The following SLC9A3 variants were observed in gnomAD, a reference collection of about 807,000 sequenced individuals.
The protein encoded by SLC9A3 is sodium/hydrogen exchanger 3.
A neutral mutation model predicts 86.8 loss-of-function variants in SLC9A3; 37 were observed. The ratio of observed to expected loss-of-function variants is 0.43; its 90% CI spans 0.33 to 0.56. The LOEUF (loss-of-function observed/expected upper bound fraction) is 0.56. SLC9A3 is among the 20% of genes least tolerant of loss of function. The pLI is 0.06. For missense variants in SLC9A3, 1,011 were observed against 1,171.9 expected, an observed-to-expected ratio of 0.86 and a Z score of 2.00; for synonymous variants, 581 against 528.3, an observed-to-expected ratio of 1.10 and a Z score of -1.37.
chr5:476,012 C>A lies in SLC9A3; in HGVS notation c.2140+8G>T, dbSNP rs1738703529. The A allele has an allele frequency of 6.2e-7, 1 of 1,606,592 alleles. No homozygotes were observed. The highest frequency in any genetic ancestry group is 8.5e-7 in the Non-Finnish European group (1 of 1,176,340). ...AGTCCCAGCGTTCCTGCAGGGCCCC[C>A]AGCGCACCTTTCTCCTTGATGGTGA... On this transcript the variant is annotated splice_region_variant and intron_variant, in intron 14 of 16. Transcript: ENST00000264938.
chr5:479,086 C>T (rs1738976108), intron 10 of SLC9A3: 1 of 152,628 alleles, frequency 6.6e-6, no homozygotes, highest in South Asian at 2.1e-4. Context: ...GCGAGAGCAC[C>T]CACCCTGACC....
rs117265102 is a variant in SLC9A3 at position 510,357 on chromosome 5, G to A, written c.211+13755C>T. 4.1e-3 allele frequency among the ~76,000 whole-genome samples: 627 copies of A among 152,326 alleles called. 3 individuals carry two copies. Among genetic ancestry groups the A allele is most frequent in the East Asian group, 0.014 (72 of 5,176 alleles). On this transcript the variant is annotated intron_variant, in intron 1 of 16. Coordinates refer to ENST00000264938, the MANE Select transcript of SLC9A3 (RefSeq NM_004174.4). The stretch of plus-strand genomic sequence containing the variant: ...CCCGTGGGACACACCCTCGAGAGCC[G>A]CCGGCAGCACGCTTGGTCCCGGCCT...
chr5:491,920 G>T lies in SLC9A3; in HGVS notation c.363C>A (p.Pro121=). The part of the protein sequence containing the change: ...TPTVFFFYLL[P]PIVLDAGYFM... Reference sequence around the variant, plus strand: ...AGTAGCCGGCGTCCAGCACGATGGGGGGCAGCAGGTAGAAGAAGAAGACGG... The same window carrying T: ...AGTAGCCGGCGTCCAGCACGATGGGTGGCAGCAGGTAGAAGAAGAAGACGG... Residue 121 remains proline, a synonymous_variant, in exon 2 of 17, where the codon CCC becomes CCA. Coordinates refer to ENST00000264938, the MANE Select transcript of SLC9A3 (RefSeq NM_004174.4). The surrounding 1 kb of genome is among the most constrained non-coding windows in gnomAD (Gnocchi z 9.2). The T allele has an allele frequency of 6.2e-7, 1 of 1,611,848 alleles. No individual in the cohort carries two copies.
At chr5:512,693 A>C (rs1285942558) in intron 1 of SLC9A3, among the ~76,000 whole-genome samples, 1 of 152,162 alleles carries the variant, frequency 6.6e-6, no homozygotes, top group Non-Finnish European at 1.5e-5. Context: ...TTTTCTAAGA[A>C]AGGGTGTCCC....
intron 6 of SLC9A3, among the ~76,000 whole-genome samples, 199 bp downstream of exon 6, chr5:483,063 T>C (rs560990477): frequency 7.9e-5 from 12 of 151,734 alleles, no homozygotes; most frequent in Non-Finnish European, 1.2e-4. Flanking sequence ...TCCAGTGGAG[T>C]CAGTGGGAAA....
rs765651900 is a variant in SLC9A3 at position 476,001 on chromosome 5, T to G, written c.2140+19A>C. 6.3e-7 allele frequency: 1 copy of G among 1,596,114 alleles called. No individual in the cohort carries two copies. The highest frequency in any genetic ancestry group is 2.2e-5 in the East Asian group (1 of 44,714). ...TGGTGGCTCCCAGTCCCAGCGTTCC[T>G]GCAGGGCCCCCAGCGCACCTTTCTC... On this transcript the variant is annotated intron_variant, in intron 14 of 16. Transcript: ENST00000264938.
rs993198254 is a variant in SLC9A3, at chr5:475,638, T to A, written c.2174A>T (p.Asn725Ile). The A allele has an allele frequency of 7.7e-6, 12 of 1,551,624 alleles. No homozygotes were observed. The highest frequency in any genetic ancestry group is 1.0e-5 in the Non-Finnish European group (12 of 1,146,770). ...LELSDTEEPPNYDEEMSGGIE... is the reference protein window; with the variant it reads ...LELSDTEEPPIYDEEMSGGIE... ...CCCCCCACTCATCTCCTCATCATAG[T>A]TGGGGGGCTCCTCGGTGTCTGAAAG... The change falls in exon 15 of 17, where the codon AAC becomes ATC. Residue 725 changes from asparagine (N) to isoleucine (I), a missense_variant. By Grantham distance (149) the Asn-to-Ile change is moderately radical. This residue lies in a region of SLC9A3 where 397 missense variants were observed against 346.3 expected (regional missense o/e 1.15). Transcript: ENST00000264938.
chr5:508,324 G>A (rs1238149725), intron 1 of SLC9A3, among the ~76,000 whole-genome samples: 1 of 113,840 alleles, frequency 8.8e-6, no homozygotes, highest in Non-Finnish European at 1.8e-5. Context: ...ACAGTCTGCC[G>A]GGGATAGAGA....
Position 522,433 on chromosome 5 carries a change from C to A in SLC9A3, c.211+1679G>T, listed in dbSNP as rs111561970. On this transcript the variant is annotated intron_variant, in intron 1 of 16. Transcript: ENST00000264938. ...CCAGATTCTGACTCTGTACACTGGG[C>A]TAAACTGGGAGAGGCCCCAGCTTGT... Among the ~76,000 whole-genome samples the A allele has an allele frequency of 7.7e-3, 1,173 of 152,360 alleles. 17 individuals are homozygous for A. Among genetic ancestry groups the A allele is most frequent in the African/African-American group, 0.026 (1,096 of 41,596 alleles).
At position 473,109 on chromosome 5, in the gene SLC9A3, G is replaced by T; in HGVS notation, c.*270C>A. 1 of 185,872 alleles carries T rather than the reference G, an allele frequency of 5.4e-6. No individual in the cohort carries two copies. The highest frequency in any genetic ancestry group is 1.7e-4 in the South Asian group (1 of 5,984). The allele number at this position is 185,872 out of a possible 1,614,324, so 11.5% of individuals were successfully genotyped here. Reference sequence around the variant, plus strand: ...GCTGTGCACGCGGCGCGCCGCCGCCGAACGCGCGTGCGCACTCGGCAGCCC... The same window carrying T: ...GCTGTGCACGCGGCGCGCCGCCGCCTAACGCGCGTGCGCACTCGGCAGCCC... On this transcript the variant is annotated 3_prime_UTR_variant, in exon 17 of 17. Coordinates refer to ENST00000264938, the MANE Select transcript of SLC9A3 (RefSeq NM_004174.4).
chr5:507,556 C>T (rs961841837), intron 1 of SLC9A3, among the ~76,000 whole-genome samples: 15 of 151,814 alleles, frequency 9.9e-5, no homozygotes, highest in Middle Eastern at 3.2e-3. Flanking sequence ...TGAGCCACCG[C>T]GCCCATTCTG....
At chr5:494,322 C>T (rs1447823304) in intron 1 of SLC9A3, among the ~76,000 whole-genome samples, 3 of 152,200 alleles carry the variant, frequency 2.0e-5, no homozygotes, top group South Asian at 2.1e-4. Context: ...CCTGTGGTGG[C>T]CAGGGACAGA....
At chr5:485,799 G>A (rs1739434398) in intron 3 of SLC9A3, among the ~76,000 whole-genome samples, 1 of 152,260 alleles carries the variant, frequency 6.6e-6, no homozygotes, top group African/African-American at 2.4e-5. Flanking sequence ...CTCTGGCCAA[G>A]GTGGGAGAGG....
chr5:489,039 G>A (rs13186188), intron 2 of SLC9A3, among the ~76,000 whole-genome samples: 74,444 of 152,062 alleles, frequency 0.49, 18,645 homozygotes, highest in Middle Eastern at 0.6. Context: ...TCTGCCTGTG[G>A]GCTCTGGTGC....
At chr5:479,796 T>A (rs1256035168) in intron 10 of SLC9A3, 40 bp downstream of exon 10, 1 of 1,608,426 alleles carries the variant, frequency 6.2e-7, no homozygotes, top group South Asian at 1.1e-5. Flanking sequence ...TGCCAGAGCC[T>A]GCTGCAGCCC....
At chr5:509,687 G>T (rs571821416) in intron 1 of SLC9A3, among the ~76,000 whole-genome samples, 8 of 152,288 alleles carry the variant, frequency 5.3e-5, no homozygotes, top group East Asian at 3.9e-4. Context: ...CAGGGACCTG[G>T]CACAGCAGGT....
chr5:485,371 A>G, intron 3 of SLC9A3, 140 bp from the exon 4 acceptor site: 2 of 709,370 alleles, frequency 2.8e-6, no homozygotes, highest in Admixed American at 4.1e-5. Context: ...TCACAGGGCA[A>G]TGGCCCCCAA....
At chr5:475,924 G>A in intron 14 of SLC9A3, 96 bp downstream of exon 14, 1 of 1,110,098 alleles carries the variant, frequency 9.0e-7, no homozygotes, top group Non-Finnish European at 1.3e-6. Context: ...TCCCCAGAGG[G>A]GAAGGTCCTG....
intron 3 of SLC9A3, among the ~76,000 whole-genome samples, chr5:485,933 G>A (rs1172429622): frequency 6.6e-6 from 1 of 152,188 alleles, no homozygotes; most frequent in Non-Finnish European, 1.5e-5. Flanking sequence ...CAGCTGGGAG[G>A]GAAGACAACC....
Sources: gnomAD v4.1 joint callset for allele counts (sites outside exome capture counted in the v4.1 genomes callset) on GRCh38, gnomAD v4.1.1 for gene constraint, gnomAD v4.1.1 regional missense constraint, Gnocchi (gnomAD v3.1) non-coding constraint, MANE v1.5 for transcripts, NCBI Gene and HGNC (gene_info 2026-07-23, HGNC 2026-07-21) for gene names.